Variants in CMSS1 observed in about 807,000 individuals in gnomAD.
The protein encoded by CMSS1 is protein CMSS1.
CMSS1 carries 33 observed loss-of-function variants against 43.5 expected under a neutral mutation model. That is an observed-to-expected ratio of 0.76 (90% confidence interval 0.57 to 1.01). The LOEUF is 1.01. CMSS1 is among the 50% of genes least tolerant of loss of function. CMSS1 has a pLI of 0.00. For synonymous variants in CMSS1, 115 were observed against 117.2 expected (o/e 0.98, Z 0.12); for missense variants, 313 against 326.4 (o/e 0.96, Z 0.32).
chr3:99,993,708 T>C (rs1342032918), intron 1 of CMSS1, among the ~76,000 whole-genome samples: 3 of 152,182 alleles, frequency 2.0e-5, no homozygotes, highest in Admixed American at 2.0e-4. Flanking sequence ...TTTTATCAAA[T>C]GCTTTTTCTG....
At chr3:100,163,855 T>C (rs1576117261) in intron 4 of CMSS1, among the ~76,000 whole-genome samples, 1 of 152,230 alleles carries the variant, frequency 6.6e-6, no homozygotes, top group East Asian at 1.9e-4. Context: ...ACTAGGCATA[T>C]CTAATATTGC....
intron 1 of CMSS1, among the ~76,000 whole-genome samples, chr3:100,027,601 G>A (rs982374332): frequency 1.3e-5 from 2 of 152,086 alleles, no homozygotes; most frequent in South Asian, 2.1e-4. Flanking sequence ...GCTCAACTTC[G>A]ATACATGCTT....
intron 9 of CMSS1, among the ~76,000 whole-genome samples, chr3:100,176,943 G>A (rs2067152482): frequency 6.6e-6 from 1 of 152,138 alleles, no homozygotes; most frequent in Admixed American, 6.6e-5. Context: ...TATGGGCACA[G>A]TATTAGCTCA....
At chr3:100,140,973 T>C (rs2066799572) in intron 1 of CMSS1, among the ~76,000 whole-genome samples, 3 of 152,180 alleles carry the variant, frequency 2.0e-5, no homozygotes. Context: ...CCATCTACTA[T>C]ATGTATCCTA....
At chr3:100,029,054 G>A (rs1426695028) in intron 1 of CMSS1, among the ~76,000 whole-genome samples, 1 of 151,992 alleles carries the variant, frequency 6.6e-6, no homozygotes, top group Non-Finnish European at 1.5e-5. Flanking sequence ...GCCTGGAATG[G>A]TGGTGCATGC....
At chr3:99,876,678 T>A (rs1465177753) in intron 1 of CMSS1, among the ~76,000 whole-genome samples, 1 of 152,114 alleles carries the variant, frequency 6.6e-6, no homozygotes, top group Non-Finnish European at 1.5e-5. Context: ...TTGTAATGAG[T>A]AGGGGTCCTC....
chr3:100,023,701 T>C (rs2064867493), intron 1 of CMSS1, among the ~76,000 whole-genome samples: 1 of 152,144 alleles, frequency 6.6e-6, no homozygotes, highest in South Asian at 2.1e-4. Flanking sequence ...AACCATGATG[T>C]ATGTCATGGT....
In CMSS1 at chr3:100,172,356, A is replaced by G; in HGVS notation, c.620A>G (p.His207Arg). Residue 207 changes from histidine (H) to arginine (R), a missense_variant, in exon 8 of 10, where the codon CAC becomes CGC. Transcript: ENST00000421999. Reference protein sequence around the residue: ...QVKLLEKRVVHLGVGTPGRIK... With the variant: ...QVKLLEKRVVRLGVGTPGRIK... ...AAGTTGCTGGAGAAGCGTGTGGTGC[A>G]CCTGGGTGTAGGAACTCCGGGGAGA... 1 of 1,613,904 alleles carries G rather than the reference A, an allele frequency of 6.2e-7. No homozygotes were observed. Among genetic ancestry groups the G allele is most frequent in the Non-Finnish European group, 8.5e-7 (1 of 1,179,894 alleles).
rs550811770 is a variant in CMSS1, at chr3:100,005,905, T to G, written c.65-141068T>G. On this transcript the variant is annotated intron_variant, in intron 1 of 9. Coordinates refer to ENST00000421999, the MANE Select transcript of CMSS1 (RefSeq NM_032359.4). ...ATGCAGCTGCTTGCTACCCACCATC[T>G]CTTTGCCACAGACCAGCTGTGTCCC... Among the ~76,000 whole-genome samples the G allele has an allele frequency of 2.6e-5, 4 of 152,278 alleles. No individual in the cohort carries two copies. In the East Asian group the frequency reaches 7.7e-4, roughly 29 times the overall value.
At chr3:99,887,197 G>T (rs1705929013) in intron 1 of CMSS1, among the ~76,000 whole-genome samples, 2 of 151,986 alleles carry the variant, frequency 1.3e-5, no homozygotes, top group South Asian at 4.1e-4. Flanking sequence ...AACCCAGGAG[G>T]AGGAGGTCGC....
intron 1 of CMSS1, among the ~76,000 whole-genome samples, chr3:99,880,882 A>G (rs891190564): frequency 2.6e-5 from 4 of 152,252 alleles, no homozygotes; most frequent in Admixed American, 6.5e-5. Flanking sequence ...CTGTATGTGT[A>G]TGTATATGTG....
rs143108178 is a variant in CMSS1 at position 100,005,947 on chromosome 3, C to T, written c.65-141026C>T. ...CTGTGTCCCCATTCATTCCCACCTC[C>T]GCTATTGCTTTTTCAATCCACACAT... On this transcript the variant is annotated intron_variant, in intron 1 of 9. Coordinates refer to ENST00000421999, the MANE Select transcript of CMSS1 (RefSeq NM_032359.4). Among the ~76,000 whole-genome samples, 565 of 152,242 alleles carry T rather than the reference C, an allele frequency of 3.7e-3. 3 individuals are homozygous for T. Among genetic ancestry groups the T allele is most frequent in the African/African-American group, 0.013 (536 of 41,540 alleles).
intron 1 of CMSS1, among the ~76,000 whole-genome samples, chr3:99,915,726 A>G (rs1706930622): frequency 6.6e-6 from 1 of 152,166 alleles, no homozygotes; most frequent in Non-Finnish European, 1.5e-5. Flanking sequence ...ACACTAAAGG[A>G]AATAGGATAC....
chr3:100,059,698 C>G (rs1472101701), intron 1 of CMSS1, among the ~76,000 whole-genome samples: 1 of 152,180 alleles, frequency 6.6e-6, no homozygotes, highest in East Asian at 1.9e-4. Flanking sequence ...CTGAAGAAGT[C>G]AGTCATTACA....
chr3:99,988,859 A>G (rs1427912848), intron 1 of CMSS1, among the ~76,000 whole-genome samples: 2 of 152,112 alleles, frequency 1.3e-5, no homozygotes, highest in African/African-American at 2.4e-5. Flanking sequence ...AGGTGCCTTC[A>G]TTCTCCTGGC....
At chr3:99,895,377 CTT>C (rs35156845) in intron 1 of CMSS1, among the ~76,000 whole-genome samples, 152 of 128,016 alleles carry the variant, frequency 1.2e-3, no homozygotes, top group African/African-American at 3.4e-3. Flanking sequence ...GTCAGCAGGA[CTT>C]TTTTTTTTTT....
At position 99,853,255 on chromosome 3, in the gene CMSS1, T is replaced by C. The variant is rs1020719163; in HGVS notation, c.64+35212T>C. 4.6e-5 allele frequency among the ~76,000 whole-genome samples: 7 copies of C among 152,272 alleles called. No individual in the cohort carries two copies. The East Asian group carries it at 1.3e-3, about 29-fold the overall frequency. ...TGCCTTAGCATTAGAATTCATTCGA[T>C]GTAATGGTTTTGACAATGCCTTGAG... On this transcript the variant is annotated intron_variant, in intron 1 of 9. Transcript: ENST00000421999.
intron 1 of CMSS1, among the ~76,000 whole-genome samples, chr3:99,866,034 C>T (rs1395256603): frequency 1.3e-5 from 2 of 151,978 alleles, no homozygotes; most frequent in Non-Finnish European, 2.9e-5. Flanking sequence ...TAATATGATT[C>T]CTTCTCTTAA....
chr3:99,926,431 C>G (rs776778369), intron 1 of CMSS1, among the ~76,000 whole-genome samples: 1 of 152,208 alleles, frequency 6.6e-6, no homozygotes, highest in African/African-American at 2.4e-5. Flanking sequence ...TGTTTCAAAC[C>G]ACTGCAGCCC....
Sources: gnomAD v4.1 joint callset for allele counts (sites outside exome capture counted in the v4.1 genomes callset) on GRCh38, gnomAD v4.1.1 for gene constraint, MANE v1.5 for transcripts, NCBI Gene and HGNC (gene_info 2026-07-23, HGNC 2026-07-21) for gene names.